Variants in PLEKHA8 observed in about 807,000 individuals in gnomAD.
PLEKHA8 encodes pleckstrin homology domain-containing family A member 8.
Under a neutral mutation model 68.2 loss-of-function variants are expected in PLEKHA8, and 36 were observed. The observed-to-expected ratio is 0.53, with a 90% CI of 0.40 to 0.70. The LOEUF (loss-of-function observed/expected upper bound fraction) is 0.70. Ranked by LOEUF, PLEKHA8 falls within the 30% of genes least tolerant of loss-of-function variation. The pLI, the probability that PLEKHA8 is intolerant of heterozygous loss-of-function variation, is 0.00. For synonymous variants in PLEKHA8, 211 were observed against 216.1 expected (o/e 0.98, Z 0.20); for missense variants, 505 against 615.4 (o/e 0.82, Z 1.90).
At chr7:30,052,963 A>G (rs1049299044) in intron 7 of PLEKHA8, 97 bp downstream of exon 7, 3 of 982,234 alleles carry the variant, frequency 3.1e-6, no homozygotes, top group African/African-American at 3.5e-5. Context: ...CCTCAAGACC[A>G]TGTAGTAGTG....
chr7:30,057,470 T>C (rs1437159942), intron 9 of PLEKHA8, among the ~76,000 whole-genome samples: 1 of 151,960 alleles, frequency 6.6e-6, no homozygotes, highest in Non-Finnish European at 1.5e-5. Context: ...TTTTTTTTTT[T>C]TTCTTGAGAC....
chr7:30,094,275 C>CTTTTT (rs764501216), downstream of PLEKHA8, among the ~76,000 whole-genome samples: 1 of 138,262 alleles, frequency 7.2e-6, no homozygotes, highest in Non-Finnish European at 1.6e-5. Flanking sequence ...CAAGTTTCTA[C>CTTTTT]TTTTTTTTTT....
chr7:30,052,580 C>A, intron 6 of PLEKHA8, 129 bp from the exon 7 acceptor site: 1 of 705,748 alleles, frequency 1.4e-6, no homozygotes. Flanking sequence ...CAGAAGATTG[C>A]AGTGAGCTGT....
At chr7:30,096,447 A>G (rs894037423) in intron 13 of PLEKHA8, among the ~76,000 whole-genome samples, 10 of 152,136 alleles carry the variant, frequency 6.6e-5, no homozygotes, top group African/African-American at 2.2e-4. Flanking sequence ...GGTTTTCTAG[A>G]TATACAATCA....
chr7:30,106,657 C>T (rs1796067459), intron 13 of PLEKHA8, among the ~76,000 whole-genome samples: 1 of 152,194 alleles, frequency 6.6e-6, no homozygotes, highest in South Asian at 2.1e-4. Flanking sequence ...CCCTCCATAT[C>T]TGTGGGTTGC....
chr7:30,064,601 A>G (rs967619191), intron 12 of PLEKHA8, among the ~76,000 whole-genome samples: 3 of 152,178 alleles, frequency 2.0e-5, no homozygotes, highest in African/African-American at 4.8e-5. Flanking sequence ...ATTAGCATCT[A>G]TTGTTGTGAT....
chr7:30,128,582 AT>A (rs1796821751), intron 13 of PLEKHA8, among the ~76,000 whole-genome samples: 1 of 150,664 alleles, frequency 6.6e-6, no homozygotes, highest in South Asian at 2.1e-4. Context: ...TTTATTTCCC[AT>A]TTTTCTTTCT....
chr7:30,058,420 G>A (rs1793163336), intron 9 of PLEKHA8, among the ~76,000 whole-genome samples: 1 of 149,768 alleles, frequency 6.7e-6, no homozygotes, highest in South Asian at 2.1e-4. Flanking sequence ...TTGTGCCTAT[G>A]AACCACTGGA....
chr7:30,068,293 C>A (rs544719044), intron 12 of PLEKHA8, among the ~76,000 whole-genome samples: 1 of 152,320 alleles, frequency 6.6e-6, no homozygotes, highest in Admixed American at 6.5e-5. Context: ...ATGGCTGAAC[C>A]ACATGACTAG....
intron 9 of PLEKHA8, among the ~76,000 whole-genome samples, chr7:30,055,907 C>G (rs1338739640): frequency 6.6e-6 from 1 of 151,164 alleles, no homozygotes; most frequent in African/African-American, 2.4e-5. Context: ...CCTTCCCTCC[C>G]AAAATGTGAG....
chr7:30,093,084 C>T (rs1795479291), downstream of PLEKHA8, among the ~76,000 whole-genome samples: 1 of 152,160 alleles, frequency 6.6e-6, no homozygotes, highest in South Asian at 2.1e-4. Context: ...CTCTGCATAA[C>T]ATATGGGCAC....
chr7:30,050,683 G>A, intron 6 of PLEKHA8: 2 of 519,224 alleles, frequency 3.9e-6, no homozygotes, highest in Non-Finnish European at 6.1e-6. Context: ...GGAAGATGTT[G>A]GCATTTTCCC....
exon 13 of PLEKHA8, chr7:30,090,602 G>A (rs1795376427): frequency 5.8e-6 from 1 of 172,990 alleles, no homozygotes; most frequent in African/African-American, 2.4e-5. Context: ...TAATAAATTG[G>A]GAATGGGAGA....
intron 13 of PLEKHA8, among the ~76,000 whole-genome samples, chr7:30,076,347 A>T (rs1224515214): frequency 6.6e-6 from 1 of 152,200 alleles, no homozygotes; most frequent in Non-Finnish European, 1.5e-5. Context: ...AGTTTAGAAT[A>T]AAACAGGTTA....
chr7:30,029,249 A>G (rs888082580), intron 1 of PLEKHA8, among the ~76,000 whole-genome samples: 1 of 152,206 alleles, frequency 6.6e-6, no homozygotes, highest in African/African-American at 2.4e-5. Context: ...TCCTTTATCA[A>G]AGTCCTCAGT....
At chr7:30,077,954 C>T (rs1308126099) in intron 13 of PLEKHA8, among the ~76,000 whole-genome samples, 7 of 152,106 alleles carry the variant, frequency 4.6e-5, no homozygotes, top group Non-Finnish European at 1.5e-5. Flanking sequence ...CTAGCCCTGG[C>T]ACTCATTAGC....
At chr7:30,030,946 C>A (rs918407077) in intron 1 of PLEKHA8, among the ~76,000 whole-genome samples, 3 of 152,146 alleles carry the variant, frequency 2.0e-5, no homozygotes, top group African/African-American at 7.2e-5. Flanking sequence ...AAAATACATA[C>A]AATCCCAATC....
Position 30,081,547 on chromosome 7 carries a change from T to C in PLEKHA8, c.*2760T>C, listed in dbSNP as rs1019152462. ...GGCAATGAGAAAAGATATTTAAAGC[T>C]TTCTCTCCATAGCCCTCCAAGACTT... On this transcript the variant is annotated 3_prime_UTR_variant, in exon 14 of 14. Transcript: ENST00000449726. 1.0e-6 allele frequency: 1 copy of C among 984,960 alleles called. No homozygotes were observed. The highest frequency in any genetic ancestry group is 1.7e-5 in the African/African-American group (1 of 57,238). 61.0% of individuals were successfully genotyped at this position (984,960 alleles called of 1,614,324 possible). A position where few individuals can be genotyped will look rare whatever the true frequency, so the allele number is the denominator to read the frequency against.
chr7:30,117,421 A>G lies in PLEKHA8; in HGVS notation c.1363-11845A>G, dbSNP rs528278406. 2.0e-5 allele frequency among the ~76,000 whole-genome samples: 3 copies of G among 152,326 alleles called. No individual in the cohort carries two copies. The East Asian group carries it at 5.8e-4, about 29-fold the overall frequency. ...ATGTAATTTATTAAAAATTAAATTT[A>G]GGGCCAGGCACGATGGTTCCTGCCT... On this transcript the variant is annotated intron_variant, in intron 13 of 13. Coordinates refer to the PLEKHA8 transcript ENST00000396257.
Sources: allele counts gnomAD v4.1 joint callset (sites outside exome capture counted in the v4.1 genomes callset), GRCh38; gene constraint gnomAD v4.1.1; transcripts MANE v1.5; gene names NCBI Gene and HGNC (gene_info 2026-07-23, HGNC 2026-07-21).